DLGAP5: variants seen among roughly 807,000 people sequenced by gnomAD.
DLGAP5 encodes the protein DLG associated protein 5.
Under a neutral mutation model 99.6 loss-of-function variants are expected in DLGAP5, and 90 were observed. The observed-to-expected ratio is 0.90, with a 90% CI of 0.76 to 1.08. The LOEUF (loss-of-function observed/expected upper bound fraction) is 1.08, where lower values mean the gene tolerates loss of function less well. DLGAP5 is among the 50% of genes least tolerant of loss of function. The pLI is 0.00. For synonymous variants in DLGAP5, 311 were observed against 321.3 expected (o/e 0.97, Z 0.34); for missense variants, 1,036 against 983.5 (o/e 1.05, Z -0.71).
At chr14:55,150,978 T>G in intron 17 of DLGAP5, 130 bp from the exon 18 acceptor site, 1 of 562,654 alleles carries the variant, frequency 1.8e-6, no homozygotes, top group Non-Finnish European at 3.1e-6. Flanking sequence ...TAGACCCCTA[T>G]GCTATAATGT....
At position 55,155,885 on chromosome 14, in the gene DLGAP5, G is replaced by A. The variant is rs145063381; in HGVS notation, c.1874-1079C>T. Among the ~76,000 whole-genome samples, 1,261 of 151,482 alleles carry A rather than the reference G, an allele frequency of 8.3e-3. 16 individuals are homozygous for A. Among genetic ancestry groups the A allele is most frequent in the African/African-American group, 0.03 (1,220 of 41,346 alleles). ...AGGTGGATCACGGGGCCAGAAGATC[G>A]AGACCATCCTGGCTAACATGGTAAA... On this transcript the variant is annotated intron_variant, in intron 14 of 18. Transcript: ENST00000247191.
In DLGAP5 at chr14:55,170,724, A is replaced by G; in HGVS notation, c.1365T>C (p.Leu455=). ...CACCATCATCTGGAATGTCCAATTC[A>G]AGTTTCCTGTCCCACTCGAAGCAAT... ...TSHCFEWDRK[L]ELDIPDDAKD... is the part of the protein sequence containing the mutation. Residue 455 remains leucine, a synonymous_variant, in exon 11 of 19, where the codon CTT becomes CTC. Transcript: ENST00000247191. 1 of 1,613,664 alleles carries G rather than the reference A, an allele frequency of 6.2e-7. No homozygotes were observed. The highest frequency in any genetic ancestry group is 8.5e-7 in the Non-Finnish European group (1 of 1,179,718).
At chr14:55,183,389 C>T (rs1482390044) in intron 3 of DLGAP5, among the ~76,000 whole-genome samples, 171 bp downstream of exon 3, 2 of 152,206 alleles carry the variant, frequency 1.3e-5, no homozygotes, top group Non-Finnish European at 2.9e-5. Flanking sequence ...AACTTACCTA[C>T]AGCTATCTTA....
intron 13 of DLGAP5, among the ~76,000 whole-genome samples, chr14:55,159,322 A>G (rs139849678): frequency 6.6e-5 from 10 of 152,304 alleles, no homozygotes; most frequent in Non-Finnish European, 1.5e-4. Flanking sequence ...GGTCTTAAGA[A>G]AGTCACATTT....
intron 13 of DLGAP5, among the ~76,000 whole-genome samples, chr14:55,160,376 C>G (rs112471424): frequency 6.8e-6 from 1 of 146,780 alleles, no homozygotes; most frequent in African/African-American, 2.5e-5. Context: ...GCCTGGGCAA[C>G]ACAGCAAGAC....
chr14:55,153,756 A>G (rs1329774502), intron 15 of DLGAP5, among the ~76,000 whole-genome samples: 1 of 151,702 alleles, frequency 6.6e-6, no homozygotes, highest in Non-Finnish European at 1.5e-5. Flanking sequence ...ACAATAGTAA[A>G]CTACAAGATA....
intron 18 of DLGAP5, 174 bp downstream of exon 18, chr14:55,150,625 T>C (rs1174649734): frequency 9.0e-6 from 4 of 443,962 alleles, no homozygotes; most frequent in Non-Finnish European, 1.6e-5. Flanking sequence ...AAACATACTA[T>C]ATTTTAAAGT....
At position 55,169,575 on chromosome 14, in the gene DLGAP5, G is replaced by A; in HGVS notation, c.1388-16C>T. On this transcript the variant is annotated splice_polypyrimidine_tract_variant and intron_variant, in intron 11 of 18. Transcript: ENST00000247191. The stretch of plus-strand genomic sequence containing the variant: ...AGATCTTTAGCTGAAGGAAATAAGA[G>A]ATTTTTTAAAATTAAAGGACAAAAC... The A allele has an allele frequency of 6.4e-7, 1 of 1,571,642 alleles. No individual in the cohort carries two copies. The highest frequency in any genetic ancestry group is 1.2e-5 in the South Asian group (1 of 83,870).
chr14:55,176,331 T>G (rs1294793038), intron 8 of DLGAP5, among the ~76,000 whole-genome samples: 1 of 152,214 alleles, frequency 6.6e-6, no homozygotes, highest in African/African-American at 2.4e-5. Flanking sequence ...GATCTTGCCT[T>G]TTCTTTTAAA....
chr14:55,159,482 A>G (rs1250104435), intron 13 of DLGAP5, among the ~76,000 whole-genome samples: 1 of 152,234 alleles, frequency 6.6e-6, no homozygotes, highest in African/African-American at 2.4e-5. Context: ...TAGAATTGAG[A>G]GGACTTACTC....
intron 13 of DLGAP5, among the ~76,000 whole-genome samples, chr14:55,160,930 A>G (rs181103088): frequency 1.2e-4 from 19 of 152,178 alleles, no homozygotes; most frequent in African/African-American, 4.6e-4. Flanking sequence ...GATAGAAAGA[A>G]AAAATGGGGG....
chr14:55,163,120 A>T, intron 12 of DLGAP5, 45 bp from the exon 13 acceptor site: 1 of 1,261,262 alleles, frequency 7.9e-7, no homozygotes. Context: ...TAGCCATATT[A>T]AAGTTATAAA....
At chr14:55,171,247 G>A (rs990364148) in intron 10 of DLGAP5, among the ~76,000 whole-genome samples, 7 of 152,150 alleles carry the variant, frequency 4.6e-5, no homozygotes, top group African/African-American at 1.4e-4. Context: ...CTTAAAGGTA[G>A]TGGTTCTCAA....
At chr14:55,153,117 G>A (rs1446914876) in intron 15 of DLGAP5, among the ~76,000 whole-genome samples, 3 of 151,998 alleles carry the variant, frequency 2.0e-5, no homozygotes, top group Non-Finnish European at 4.4e-5. Flanking sequence ...TTCAAAAAGC[G>A]GAACAGGAGT....
Position 55,182,425 on chromosome 14 carries a change from G to T in DLGAP5, c.440C>A (p.Pro147Gln). ...AVKAEPKKAI[P>Q]SSVRITRSKA... is the part of the protein sequence containing the mutation. ...TGACCTTGTAATCCGTACAGAAGAT[G>T]GAATAGCCTTAGAACAGTCAAAAGA... Residue 147 changes from proline (P) to glutamine (Q), a missense_variant, in exon 4 of 19, where the codon CCA becomes CAA. Pro to Gln is a moderately conservative substitution (Grantham distance 76). Coordinates refer to ENST00000247191, the MANE Select transcript of DLGAP5 (RefSeq NM_014750.5). 1.2e-6 allele frequency: 2 copies of T among 1,612,068 alleles called. No homozygotes were observed. Among genetic ancestry groups the T allele is most frequent in the South Asian group, 1.1e-5 (1 of 90,888 alleles).
intron 17 of DLGAP5, 126 bp from the exon 18 acceptor site, chr14:55,150,974 C>T (rs1881996978): frequency 1.7e-6 from 1 of 587,080 alleles, no homozygotes; most frequent in Admixed American, 3.9e-5. Context: ...AATATAGACC[C>T]CTATGCTATA....
chr14:55,157,917 C>A (rs1252079639), intron 14 of DLGAP5, among the ~76,000 whole-genome samples: 1 of 152,202 alleles, frequency 6.6e-6, no homozygotes, highest in African/African-American at 2.4e-5. Flanking sequence ...CATGTACTGC[C>A]AGGCTCGGTT....
At chr14:55,183,409 A>G in intron 3 of DLGAP5, 151 bp downstream of exon 3, 1 of 578,350 alleles carries the variant, frequency 1.7e-6, no homozygotes, top group Non-Finnish European at 2.7e-6. Flanking sequence ...AAGAGACCTG[A>G]TTTTCATTCT....
intron 13 of DLGAP5, among the ~76,000 whole-genome samples, chr14:55,160,536 C>T (rs964596909): frequency 6.6e-6 from 1 of 151,928 alleles, no homozygotes; most frequent in Non-Finnish European, 1.5e-5. Context: ...TAACCTCTGC[C>T]TCCCGGGTTC....
Sources: gnomAD v4.1 joint callset for allele counts (sites outside exome capture counted in the v4.1 genomes callset) on GRCh38, gnomAD v4.1.1 for gene constraint, MANE v1.5 for transcripts, NCBI Gene and HGNC (gene_info 2026-07-23, HGNC 2026-07-21) for gene names.